The following SLC14A2 variants were observed in gnomAD, a reference collection of about 807,000 sequenced individuals.
SLC14A2 encodes solute carrier family 14 member 2, also known as urea transporter 2.
In SLC14A2, 91 loss-of-function variants were observed where a neutral mutation model predicts 104.6. The observed-to-expected ratio is 0.87, with a 90% CI of 0.73 to 1.04. The LOEUF (loss-of-function observed/expected upper bound fraction) is 1.04, where lower values mean the gene tolerates loss of function less well. Ranked by LOEUF, SLC14A2 falls within the 50% of genes least tolerant of loss-of-function variation. The pLI, the probability that SLC14A2 is intolerant of heterozygous loss-of-function variation, is 0.00. For missense variants in SLC14A2, 1,189 were observed against 1,156.0 expected, an observed-to-expected ratio of 1.03 and a Z score of -0.41; for synonymous variants, 476 against 466.4, an observed-to-expected ratio of 1.02 and a Z score of -0.27.
the SLC14A2 span, among the ~76,000 whole-genome samples, chr18:45,181,756 T>C: frequency 1.3e-5 from 2 of 152,178 alleles, no homozygotes; most frequent in African/African-American, 2.4e-5. Flanking sequence ...CAAAATGTAT[T>C]TGAAACTCAT....
At chr18:45,215,491 G>A (rs2084001941) in intron 1 of SLC14A2, among the ~76,000 whole-genome samples, 1 of 151,940 alleles carries the variant, frequency 6.6e-6, no homozygotes, top group African/African-American at 2.4e-5. Flanking sequence ...ATAGGAAAGG[G>A]AAAAAAAATC....
chr18:45,501,811 G>T (rs1198138441), intron 2 of SLC14A2, among the ~76,000 whole-genome samples: 1 of 152,184 alleles, frequency 6.6e-6, no homozygotes. Flanking sequence ...TGGGGCAAGT[G>T]ACTTCCGCTC....
intron 1 of SLC14A2, among the ~76,000 whole-genome samples, chr18:45,360,941 C>T (rs930810673): frequency 6.6e-6 from 1 of 152,142 alleles, no homozygotes; most frequent in Admixed American, 6.5e-5. Flanking sequence ...CTGTGCCACC[C>T]CTAATGTATT....
At chr18:45,494,554 T>C (rs769418992) in intron 2 of SLC14A2, among the ~76,000 whole-genome samples, 2 of 152,124 alleles carry the variant, frequency 1.3e-5, no homozygotes, top group Middle Eastern at 3.4e-3. Flanking sequence ...CATGCCACCA[T>C]GCCCAGAAAA....
Position 45,301,602 on chromosome 18 carries a change from C to A in SLC14A2, c.-125+88411C>A, listed in dbSNP as rs1418886803. ...CACCCACATTTGTGCCTGCATTTGG[C>A]TTAGAGAATTTGTGACTGATATCAG... On this transcript the variant is annotated intron_variant, in intron 1 of 20. Transcript: ENST00000586448. Among the ~76,000 whole-genome samples, 3 of 152,186 alleles carry A rather than the reference C, an allele frequency of 2.0e-5. No homozygotes were observed. In the East Asian group the frequency reaches 5.8e-4, roughly 29 times the overall value.
rs114346927 is a variant in SLC14A2, at chr18:45,338,496, C to T, written c.-125+125305C>T. On this transcript the variant is annotated intron_variant, in intron 1 of 20. Transcript: ENST00000586448. ...GATTACAGGTGTGAACCACTGTGCCCGGCCAAGTTATCCCACCTCTTTAGC... is the reference window on the plus strand; with the variant it reads ...GATTACAGGTGTGAACCACTGTGCCTGGCCAAGTTATCCCACCTCTTTAGC... 5.1e-3 allele frequency among the ~76,000 whole-genome samples: 779 copies of T among 151,948 alleles called. 6 individuals are homozygous for T. Among genetic ancestry groups the T allele is most frequent in the African/African-American group, 0.018 (737 of 41,412 alleles).
intron 1 of SLC14A2, among the ~76,000 whole-genome samples, chr18:45,334,821 G>A (rs2085323239): frequency 6.6e-6 from 1 of 152,024 alleles, no homozygotes; most frequent in Non-Finnish European, 1.5e-5. Flanking sequence ...TCTTTTCTTT[G>A]GGATCTGCAC....
At chr18:45,661,808 C>A (rs746932420) in intron 10 of SLC14A2, among the ~76,000 whole-genome samples, 1 of 152,198 alleles carries the variant, frequency 6.6e-6, no homozygotes, top group Non-Finnish European at 1.5e-5. Flanking sequence ...CCCTCATCAT[C>A]CTGCATGAAC....
intron 10 of SLC14A2, among the ~76,000 whole-genome samples, chr18:45,657,836 A>T (rs376281844): frequency 1.3e-5 from 2 of 152,342 alleles, no homozygotes. Flanking sequence ...TTAGAGAATG[A>T]TCTTTGAAAA....
chr18:45,544,159 A>G (rs752388081), intron 2 of SLC14A2, among the ~76,000 whole-genome samples: 1 of 152,242 alleles, frequency 6.6e-6, no homozygotes, highest in Non-Finnish European at 1.5e-5. Flanking sequence ...AAATCTTAGC[A>G]ATGAGTATGA....
At chr18:45,675,314 A>G (rs1246647749) in intron 18 of SLC14A2, among the ~76,000 whole-genome samples, 1 of 152,152 alleles carries the variant, frequency 6.6e-6, no homozygotes, top group African/African-American at 2.4e-5. Context: ...CATTTTTAGA[A>G]GCTGAAAACT....
In SLC14A2 at chr18:45,516,583, G is replaced by A. The variant is rs188868336; in HGVS notation, c.-35+33261G>A. On this transcript the variant is annotated intron_variant, in intron 2 of 20. Coordinates refer to the SLC14A2 transcript ENST00000586448. ...TTCTTACCTTTTATATGCAGGGGAGGAGATTCCATAATCATTCATTTGAAA... is the reference window on the plus strand; with the variant it reads ...TTCTTACCTTTTATATGCAGGGGAGAAGATTCCATAATCATTCATTTGAAA... Among the ~76,000 whole-genome samples the A allele has an allele frequency of 4.7e-4, 72 of 152,304 alleles. 5 individuals carry two copies. The East Asian group carries it at 8.1e-3, about 17-fold the overall frequency.
chr18:45,451,241 C>T (rs941921092), intron 1 of SLC14A2, among the ~76,000 whole-genome samples: 32 of 151,998 alleles, frequency 2.1e-4, no homozygotes, highest in African/African-American at 7.5e-4. Context: ...TGAAAATAGG[C>T]AGGGCCCTGA....
chr18:45,280,755 T>C (rs1209690067), intron 1 of SLC14A2, among the ~76,000 whole-genome samples: 1 of 152,174 alleles, frequency 6.6e-6, no homozygotes, highest in Non-Finnish European at 1.5e-5. Flanking sequence ...TGCTGAGAAG[T>C]GATGTTTATC....
At chr18:45,402,972 CA>C (rs1641080451) in intron 1 of SLC14A2, among the ~76,000 whole-genome samples, 1 of 152,200 alleles carries the variant, frequency 6.6e-6, no homozygotes, top group Admixed American at 6.5e-5. Context: ...TAAGGCACTT[CA>C]GTATCACCTA....
intron 9 of SLC14A2, 81 bp from the exon 10 acceptor site, chr18:45,643,904 GT>G (rs745875267): frequency 2.5e-5 from 31 of 1,249,370 alleles, no homozygotes; most frequent in Non-Finnish European, 3.3e-5. Context: ...CTCAACGCCT[GT>G]CACATCCTTC....
intron 1 of SLC14A2, among the ~76,000 whole-genome samples, chr18:45,426,037 G>A (rs2086421065): frequency 6.6e-6 from 1 of 152,122 alleles, no homozygotes; most frequent in Non-Finnish European, 1.5e-5. Flanking sequence ...AAGAGAGCAA[G>A]TCCCTGGGAG....
intron 6 of SLC14A2, among the ~76,000 whole-genome samples, chr18:45,638,367 T>A (rs781742449): frequency 6.6e-6 from 1 of 152,178 alleles, no homozygotes; most frequent in Non-Finnish European, 1.5e-5. Flanking sequence ...TTAAGAGCCC[T>A]CTAGGCTCTT....
chr18:45,294,416 T>C (rs1365967630), intron 1 of SLC14A2, among the ~76,000 whole-genome samples: 1 of 152,194 alleles, frequency 6.6e-6, no homozygotes, highest in Non-Finnish European at 1.5e-5. Context: ...GTATTAATGT[T>C]AGATTACCTG....
Sources: allele counts gnomAD v4.1 joint callset (sites outside exome capture counted in the v4.1 genomes callset), GRCh38; gene constraint gnomAD v4.1.1; transcripts MANE v1.5; gene names NCBI Gene and HGNC (gene_info 2026-07-23, HGNC 2026-07-21).